The following AHRR variants were observed in gnomAD, a reference collection of about 807,000 sequenced individuals.
AHRR encodes the protein aryl hydrocarbon receptor repressor, also known as ahR repressor.
Under a neutral mutation model 44.0 loss-of-function variants are expected in AHRR, and 28 were observed. That is an observed-to-expected ratio of 0.64 (90% confidence interval 0.47 to 0.87). The LOEUF (loss-of-function observed/expected upper bound fraction) is 0.87. Among genes scored for constraint, AHRR ranks in the 40% least tolerant of loss-of-function variants. AHRR has a pLI of 0.00. For synonymous variants in AHRR, 434 were observed against 407.0 expected, an observed-to-expected ratio of 1.07 and a Z score of -0.80; for missense variants, 990 against 953.9, an observed-to-expected ratio of 1.04 and a Z score of -0.50.
rs201372070 is a variant in AHRR at position 434,168 on chromosome 5, G to A, written c.1428G>A (p.Val476=). ...TGCGGGATGTCGGTGAGGACCAGGT[G>A]CACCCTCCCCTCTGCCACTTTCCCC... ...RPMRDVGEDQ[V]HPPLCHFPQR... The change falls in exon 11 of 11, where the codon GTG becomes GTA. Residue 476 remains valine, a synonymous_variant. Coordinates refer to ENST00000684583, the MANE Select transcript of AHRR (RefSeq NM_001377236.1). The A allele has an allele frequency of 7.5e-6, 12 of 1,602,456 alleles. No individual in the cohort carries two copies. Among genetic ancestry groups the A allele is most frequent in the Non-Finnish European group, 1.0e-5 (12 of 1,174,664 alleles).
chr5:376,877 CT>C (rs1365300100), intron 4 of AHRR, among the ~76,000 whole-genome samples, 161 bp downstream of exon 4: 2 of 152,156 alleles, frequency 1.3e-5, no homozygotes. Flanking sequence ...GCTCCAAAAT[CT>C]GTTGAAGAAG....
chr5:370,784 G>A lies in AHRR; in HGVS notation c.245-5826G>A, dbSNP rs368913177. ...GGTGTTGGTGGGGGGAGGGGGGCAC[G>A]TTCCCATCATGCTTGTCCGACCTCC... On this transcript the variant is annotated intron_variant, in intron 3 of 10. Transcript: ENST00000684583. This position sits in a 1 kb window ranked among gnomAD's most constrained non-coding sequence, Gnocchi z 4.5. Among the ~76,000 whole-genome samples the A allele has an allele frequency of 4.6e-5, 7 of 152,104 alleles. No individual in the cohort carries two copies. The highest frequency in any genetic ancestry group is 2.0e-4 in the Admixed American group (3 of 15,296).
At chr5:340,683 TATATA>T (rs200729736) in intron 1 of AHRR, among the ~76,000 whole-genome samples, 8 of 33,182 alleles carry the variant, frequency 2.4e-4, no homozygotes, top group African/African-American at 5.5e-4. Context: ...TATATATATA[TATATA>T]TTTTTTTTTT....
intron 8 of AHRR, among the ~76,000 whole-genome samples, chr5:428,227 C>A (rs1289924770): frequency 1.3e-5 from 2 of 152,240 alleles, no homozygotes; most frequent in Non-Finnish European, 2.9e-5. Context: ...TTGCCTGTAT[C>A]GATTCATTCC....
chr5:362,174 C>G (rs893811235), intron 3 of AHRR, among the ~76,000 whole-genome samples: 5 of 152,172 alleles, frequency 3.3e-5, no homozygotes, highest in Non-Finnish European at 7.3e-5. Flanking sequence ...CTCACTCTGT[C>G]CACAAGCACA....
intron 3 of AHRR, among the ~76,000 whole-genome samples, chr5:363,210 C>T (rs1743240043): frequency 6.6e-6 from 1 of 152,174 alleles, no homozygotes; most frequent in Non-Finnish European, 1.5e-5. Context: ...GTGGGAGGAA[C>T]AAGAGGGATA....
intron 4 of AHRR, among the ~76,000 whole-genome samples, chr5:382,161 T>C (rs1734011561): frequency 6.6e-6 from 1 of 152,246 alleles, no homozygotes; most frequent in Non-Finnish European, 1.5e-5. Context: ...GGTTTGAATA[T>C]CATGGTAACG....
intron 1 of AHRR, among the ~76,000 whole-genome samples, chr5:340,688 A>ATATATATATATATTTTT (rs1269938749): frequency 7.7e-5 from 1 of 12,926 alleles, no homozygotes; most frequent in Non-Finnish European, 1.3e-4. Context: ...ATATATATAT[A>ATATATATATATATTTTT]TTTTTTTTTT....
At chr5:376,555 A>ACCGTGTGGT in intron 3 of AHRR, 55 bp from the exon 4 acceptor site, 3 of 1,428,920 alleles carry the variant, frequency 2.1e-6, no homozygotes, top group East Asian at 2.4e-5. Context: ...TGAATGAAGA[A>ACCGTGTGGT]GAGTGGCCAG....
At chr5:390,203 G>A (rs2126468118) in intron 4 of AHRR, among the ~76,000 whole-genome samples, 1 of 152,294 alleles carries the variant, frequency 6.6e-6, no homozygotes, top group South Asian at 2.1e-4. Flanking sequence ...GAGTGTGATT[G>A]GATTGCTTGT....
chr5:368,052 A>G lies in AHRR; in HGVS notation c.245-8558A>G, dbSNP rs921697151. 7 of 634,680 alleles carry G rather than the reference A, an allele frequency of 1.1e-5. No homozygotes were observed. The African/African-American group carries it at 1.3e-4, about 12-fold the overall frequency. 39.3% of individuals were successfully genotyped at this position (634,680 alleles called of 1,614,324 possible). On this transcript the variant is annotated intron_variant, in intron 3 of 10. Coordinates refer to ENST00000684583, the MANE Select transcript of AHRR (RefSeq NM_001377236.1). ...CCAGCCCCATATGGGTGTTAGTTGT[A>G]AATTCATGGTTACATAACATAATAA...
rs76111982 is a variant in AHRR, at chr5:346,666, C to T, written c.62+2702C>T. Among the ~76,000 whole-genome samples, 1,186 of 152,322 alleles carry T rather than the reference C, an allele frequency of 7.8e-3. 10 individuals are homozygous for T. The highest frequency in any genetic ancestry group is 0.011 in the Non-Finnish European group (726 of 68,032). On this transcript the variant is annotated intron_variant, in intron 2 of 10. Coordinates refer to ENST00000684583, the MANE Select transcript of AHRR (RefSeq NM_001377236.1). ...TGCACCCGGCTTCATCCTTGGCCCC[C>T]AGGGACGGCGGCCCTTCACCTGCAG...
At position 424,090 on chromosome 5, in the gene AHRR, G is replaced by T. The variant is rs192196795; in HGVS notation, c.708+113G>T. ...TGGGGGCGTTAAACCACATGTCCCT[G>T]GTGGAGGGACGGGGGCCGGTGCTGA... On this transcript the variant is annotated intron_variant, in intron 7 of 10. Transcript: ENST00000684583. 1.5e-4 allele frequency: 209 copies of T among 1,435,302 alleles called. No individual in the cohort carries two copies. The African/African-American group carries it at 2.7e-3, about 18-fold the overall frequency. The allele number at this position is 1,435,302 out of a possible 1,614,324, so 88.9% of individuals were successfully genotyped here. A position where few individuals can be genotyped will look rare whatever the true frequency, so the allele number is the denominator to read the frequency against.
rs1276442071 is a variant in AHRR, at chr5:370,088, C to A, written c.245-6522C>A. ...CATCCTCCCGGGCCCTCGCTGGAAG[C>A]CCCGTCCTCCCGGGCCCTCGCTGGA... On this transcript the variant is annotated intron_variant, in intron 3 of 10. Transcript: ENST00000684583. The surrounding 1 kb of genome is among the most constrained non-coding windows in gnomAD (Gnocchi z 4.5). 1.3e-5 allele frequency among the ~76,000 whole-genome samples: 2 copies of A among 150,742 alleles called. No individual in the cohort carries two copies. The highest frequency in any genetic ancestry group is 1.5e-5 in the Non-Finnish European group (1 of 67,910).
rs577315088 is a variant in AHRR at position 411,996 on chromosome 5, G to A, written c.352-1348G>A. Among the ~76,000 whole-genome samples the A allele has an allele frequency of 1.6e-3, 249 of 152,240 alleles. No individual in the cohort carries two copies. The highest frequency in any genetic ancestry group is 5.7e-3 in the African/African-American group (237 of 41,522). On this transcript the variant is annotated intron_variant, in intron 4 of 10. Transcript: ENST00000684583. The surrounding 1 kb of genome is among the most constrained non-coding windows in gnomAD (Gnocchi z 4.2). ...TGCGACTCAGAGGCCACCGTCTTTC[G>A]CGCATCCTCACCGGTGATGGCCCCG... is the stretch of plus-strand genomic sequence containing the variant.
chr5:344,901 C>T (rs1419223353), intron 2 of AHRR, among the ~76,000 whole-genome samples: 1 of 96,288 alleles, frequency 1.0e-5, no homozygotes, highest in Non-Finnish European at 1.9e-5. Context: ...TGTGAGACTG[C>T]GTGTGCAGGT....
At chr5:323,133 G>A (rs1478391244) in intron 1 of AHRR, among the ~76,000 whole-genome samples, 1 of 152,216 alleles carries the variant, frequency 6.6e-6, no homozygotes, top group East Asian at 1.9e-4. Flanking sequence ...CCTGGCTGCA[G>A]TGGGTAGGGT....
At chr5:347,940 G>C (rs954734131) in intron 2 of AHRR, among the ~76,000 whole-genome samples, 1 of 152,246 alleles carries the variant, frequency 6.6e-6, no homozygotes, top group Non-Finnish European at 1.5e-5. Context: ...CCTCTGTGGT[G>C]ATGGGGGATG....
intron 2 of AHRR, 125 bp downstream of exon 2, chr5:344,089 C>A: frequency 9.2e-7 from 1 of 1,081,194 alleles, no homozygotes; most frequent in Non-Finnish European, 1.3e-6. Flanking sequence ...GCCGGGCGGG[C>A]CGGGGCTGAG....
Sources: gnomAD v4.1 joint callset for allele counts (sites outside exome capture counted in the v4.1 genomes callset) on GRCh38, gnomAD v4.1.1 for gene constraint, Gnocchi (gnomAD v3.1) non-coding constraint, MANE v1.5 for transcripts, NCBI Gene and HGNC (gene_info 2026-07-23, HGNC 2026-07-21) for gene names.